Variants in TRPC4AP observed in about 807,000 individuals in gnomAD.
TRPC4AP encodes short transient receptor potential channel 4-associated protein.
A neutral mutation model predicts 99.0 loss-of-function variants in TRPC4AP; 45 were observed. That is an observed-to-expected ratio of 0.45 (90% confidence interval 0.36 to 0.58). The LOEUF is 0.58. Ranked by LOEUF, TRPC4AP falls within the 20% of genes least tolerant of loss-of-function variation. The probability of loss-of-function intolerance (pLI) is 0.00; values close to 1 mark genes in which losing one functional copy is unlikely to be tolerated. For missense variants in TRPC4AP, 879 were observed against 985.3 expected, an observed-to-expected ratio of 0.89 and a Z score of 1.44; for synonymous variants, 408 against 385.8, an observed-to-expected ratio of 1.06 and a Z score of -0.67.
At chr20:35,044,113 A>G (rs2147358955) in intron 7 of TRPC4AP, among the ~76,000 whole-genome samples, 1 of 152,266 alleles carries the variant, frequency 6.6e-6, no homozygotes, top group East Asian at 1.9e-4. Context: ...AAGGGGTGCT[A>G]GGTGTGGTGG....
chr20:35,030,974 G>GT (rs1368053212), intron 8 of TRPC4AP, among the ~76,000 whole-genome samples: 3 of 152,170 alleles, frequency 2.0e-5, no homozygotes, highest in Non-Finnish European at 4.4e-5. Flanking sequence ...ATTTCCAGAT[G>GT]TTTGTCTGTT....
intron 16 of TRPC4AP, among the ~76,000 whole-genome samples, chr20:35,004,860 A>G (rs757740758): frequency 2.0e-5 from 3 of 152,170 alleles, no homozygotes; most frequent in Non-Finnish European, 4.4e-5. Flanking sequence ...CGTGCCCTCC[A>G]TATCACACAC....
At position 35,006,565 on chromosome 20, in the gene TRPC4AP, T is replaced by C; in HGVS notation, c.1697A>G (p.Tyr566Cys). The change falls in exon 15 of 19, where the codon TAC (tyrosine) becomes TGC (cysteine). Residue 566 changes from tyrosine (Y) to cysteine (C), a missense_variant. Tyr to Cys is a radical substitution (Grantham distance 194, BLOSUM62 -2). Transcript: ENST00000252015. ...CTTACACTCGCTGTCCACAATGCAG[T>C]AAAGGATGTGCTGGGTGAGGAGGGA... ...LKRGLLEHIL[Y>C]CIVDSECKSR... is the part of the protein sequence containing the mutation. 5.6e-6 allele frequency: 9 copies of C among 1,613,998 alleles called. No individual in the cohort carries two copies. The highest frequency in any genetic ancestry group is 6.8e-6 in the Non-Finnish European group (8 of 1,179,896).
chr20:35,031,519 C>T (rs192400825), intron 8 of TRPC4AP, among the ~76,000 whole-genome samples: 150 of 150,140 alleles, frequency 1.0e-3, no homozygotes, highest in South Asian at 2.9e-3. Context: ...TACAGGTGTG[C>T]GCCAACATGC....
At chr20:35,024,888 T>C (rs138933534) in intron 8 of TRPC4AP, among the ~76,000 whole-genome samples, 2 of 146,246 alleles carry the variant, frequency 1.4e-5, no homozygotes, top group Non-Finnish European at 3.0e-5. Context: ...TGACAGTCAT[T>C]TGCGTTGTTT....
At position 35,008,828 on chromosome 20, in the gene TRPC4AP, C is replaced by T. The variant is rs752419890; in HGVS notation, c.1512-81G>A. On this transcript the variant is annotated intron_variant, in intron 12 of 18. Coordinates refer to ENST00000252015, the MANE Select transcript of TRPC4AP (RefSeq NM_015638.3). ...GGATGGGTCATTCTGCTGGCTTAGG[C>T]GGTGAAAAACCATGGGGACATTTCC... 1.6e-4 allele frequency: 203 copies of T among 1,307,372 alleles called. 1 individual carries two copies. The highest frequency in any genetic ancestry group is 2.0e-4 in the Non-Finnish European group (183 of 924,792). The allele number at this position is 1,307,372 out of a possible 1,614,324, so 81.0% of individuals were successfully genotyped here.
intron 7 of TRPC4AP, 123 bp downstream of exon 7, chr20:35,044,382 G>A (rs1295917772): frequency 1.6e-5 from 15 of 959,932 alleles, no homozygotes; most frequent in South Asian, 3.7e-5. Context: ...ACATAGTGAC[G>A]ATCCCATCTC....
intron 5 of TRPC4AP, among the ~76,000 whole-genome samples, chr20:35,054,708 G>A (rs2083785280): frequency 6.6e-6 from 1 of 152,158 alleles, no homozygotes; most frequent in African/African-American, 2.4e-5. Context: ...CTTTTGACAA[G>A]TGTCCAGTTT....
chr20:35,091,975 G>A (rs142960867), intron 1 of TRPC4AP, among the ~76,000 whole-genome samples: 3 of 151,740 alleles, frequency 2.0e-5, no homozygotes, highest in African/African-American at 7.3e-5. Context: ...CCTCTTAACC[G>A]TGACGCTCTA....
At chr20:35,065,207 TG>T (rs1192761986) in intron 3 of TRPC4AP, among the ~76,000 whole-genome samples, 5 of 152,216 alleles carry the variant, frequency 3.3e-5, no homozygotes, top group Non-Finnish European at 5.9e-5. Context: ...ACTGAAAAGC[TG>T]GAAGATTTTT....
intron 8 of TRPC4AP, among the ~76,000 whole-genome samples, chr20:35,034,498 A>G (rs1486122515): frequency 3.3e-5 from 5 of 152,166 alleles, no homozygotes; most frequent in African/African-American, 1.2e-4. Flanking sequence ...CTCACCGAGA[A>G]CTTAGTCTCT....
chr20:35,030,773 G>A (rs1166833251), intron 8 of TRPC4AP, among the ~76,000 whole-genome samples: 1 of 152,228 alleles, frequency 6.6e-6, no homozygotes, highest in East Asian at 1.9e-4. Context: ...ATAATTAGAT[G>A]GTTTGTGTAA....
At chr20:35,031,456 G>T (rs1600550562) in intron 8 of TRPC4AP, among the ~76,000 whole-genome samples, 1 of 120,636 alleles carries the variant, frequency 8.3e-6, no homozygotes, top group Non-Finnish European at 1.6e-5. Flanking sequence ...GGCTGGTCTT[G>T]AACTCCTGAG....
chr20:35,069,311 C>G lies in TRPC4AP; in HGVS notation c.399G>C (p.Leu133Phe), dbSNP rs780011915. Reference protein sequence around the residue: ...TTYPNTYIFDLFGGVDLLVEI... With the variant: ...TTYPNTYIFDFFGGVDLLVEI... ...AGCTACTTACATCAACACCTCCAAA[C>G]AAGTCAAAAATGTAAGTATTTGGAT... The change falls in exon 3 of 19, where the codon TTG (leucine) becomes TTC (phenylalanine). Residue 133 changes from leucine (L) to phenylalanine (F), a missense_variant. Coordinates refer to ENST00000252015, the MANE Select transcript of TRPC4AP (RefSeq NM_015638.3). The G allele has an allele frequency of 1.3e-5, 20 of 1,598,724 alleles. 1 individual carries two copies. Among genetic ancestry groups the G allele is most frequent in the Middle Eastern group, 3.3e-4 (2 of 6,012 alleles).
At chr20:35,012,529 G>A (rs960551008) in intron 11 of TRPC4AP, among the ~76,000 whole-genome samples, 1 of 152,134 alleles carries the variant, frequency 6.6e-6, no homozygotes, top group Non-Finnish European at 1.5e-5. Context: ...AATTTTCCTT[G>A]TACATTCTCC....
At chr20:35,018,604 G>GAAAAAAAAAA (rs11479211) in intron 9 of TRPC4AP, among the ~76,000 whole-genome samples, 75 of 88,896 alleles carry the variant, frequency 8.4e-4, no homozygotes, top group Non-Finnish European at 1.1e-3. Flanking sequence ...CTCAAAAAAA[G>GAAAAAAAAAA]AAAAAAAAAA....
At position 35,084,774 on chromosome 20, in the gene TRPC4AP, A is replaced by G. The variant is rs976988266; in HGVS notation, c.169-6600T>C. Among the ~76,000 whole-genome samples, 125 of 150,324 alleles carry G rather than the reference A, an allele frequency of 8.3e-4. 1 individual carries two copies. Among genetic ancestry groups the G allele is most frequent in the Non-Finnish European group, 1.6e-3 (108 of 67,662 alleles). On this transcript the variant is annotated intron_variant, in intron 1 of 18. Transcript: ENST00000252015. Reference sequence around the variant, plus strand: ...TATGCATATATATGTATATGTATATATATACAGGGTATATGTATATTTATC... The same window carrying G: ...TATGCATATATATGTATATGTATATGTATACAGGGTATATGTATATTTATC...
intron 1 of TRPC4AP, among the ~76,000 whole-genome samples, chr20:35,080,824 T>C (rs1234730980): frequency 1.3e-5 from 2 of 151,048 alleles, no homozygotes; most frequent in African/African-American, 4.9e-5. Flanking sequence ...TTTTTACCCT[T>C]TTATCTCCTT....
chr20:35,053,909 C>G (rs181134889), intron 5 of TRPC4AP, among the ~76,000 whole-genome samples: 2 of 152,262 alleles, frequency 1.3e-5, no homozygotes, highest in East Asian at 3.9e-4. Flanking sequence ...TTGCACAGCA[C>G]TATTATAGAT....
Sources: gnomAD v4.1 joint callset for allele counts (sites outside exome capture counted in the v4.1 genomes callset) on GRCh38, gnomAD v4.1.1 for gene constraint, MANE v1.5 for transcripts, NCBI Gene and HGNC (gene_info 2026-07-23, HGNC 2026-07-21) for gene names.